PCDHA5: variants seen among roughly 807,000 people sequenced by gnomAD.
PCDHA5 encodes protocadherin alpha-5.
Under a neutral mutation model 61.6 loss-of-function variants are expected in PCDHA5, and 43 were observed. The observed-to-expected ratio is 0.70, with a 90% CI of 0.55 to 0.90. PCDHA5 has a LOEUF of 0.90. Ranked by LOEUF, PCDHA5 falls within the 40% of genes least tolerant of loss-of-function variation. PCDHA5 has a pLI of 0.00. For synonymous variants in PCDHA5, 627 were observed against 543.9 expected (o/e 1.15, Z -2.13); for missense variants, 1,298 against 1,222.7 (o/e 1.06, Z -0.92).
At chr5:140,946,277 AT>A (rs1554217463) in intron 1 of PCDHA5, among the ~76,000 whole-genome samples, 1 of 152,068 alleles carries the variant, frequency 6.6e-6, no homozygotes, top group Non-Finnish European at 1.5e-5. Flanking sequence ...TAAAACCCCA[AT>A]GAGATATCAC....
At chr5:140,951,741 C>A (rs1490111006) in intron 1 of PCDHA5, among the ~76,000 whole-genome samples, 3 of 152,062 alleles carry the variant, frequency 2.0e-5, no homozygotes, top group Non-Finnish European at 4.4e-5. Flanking sequence ...CTGCCACTGC[C>A]CTCACCCTCC....
chr5:140,850,107 C>A lies in PCDHA5; in HGVS notation c.2352+25980C>A, dbSNP rs2150467518. ...GCTGCTACAGTTCCAGGTGAGCGCG[C>A]GCGACGCGGGCGTGCCGCCTCTGGG... On this transcript the variant is annotated intron_variant, in intron 1 of 3. Coordinates refer to ENST00000529859, the MANE Select transcript of PCDHA5 (RefSeq NM_018908.3). 6.9e-6 allele frequency: 11 copies of A among 1,596,052 alleles called. 2 individuals carry two copies. In the Admixed American group the frequency reaches 1.0e-4, roughly 15 times the overall value.
At chr5:140,835,644 T>C (rs1554135160) in intron 1 of PCDHA5, 6 of 1,613,948 alleles carry the variant, frequency 3.7e-6, no homozygotes, top group Non-Finnish European at 4.2e-6. Flanking sequence ...TGTGTCCGCC[T>C]ATGAGCTGGT....
intron 1 of PCDHA5, among the ~76,000 whole-genome samples, chr5:140,941,259 T>TTCTTTC (rs1554214225): frequency 1.2e-3 from 146 of 121,812 alleles, no homozygotes; most frequent in African/African-American, 3.7e-3. Flanking sequence ...TTCTTTCTCT[T>TTCTTTC]TCTTTCTTTC....
rs2150356626 is a variant in PCDHA5 at position 140,843,293 on chromosome 5, G to A, written c.2352+19166G>A. ...CCTGGTGAAGGATCATGGTGAACCT[G>A]CGCTGACCGCCACGGCCACGGTTCT... is the stretch of plus-strand genomic sequence containing the variant. On this transcript the variant is annotated intron_variant, in intron 1 of 3. Coordinates refer to ENST00000529859, the MANE Select transcript of PCDHA5 (RefSeq NM_018908.3). The A allele has an allele frequency of 3.8e-6, 6 of 1,595,972 alleles. No homozygotes were observed. In the African/African-American group the frequency reaches 4.0e-5, roughly 11 times the overall value.
chr5:140,884,048 G>A (rs2059957630), intron 1 of PCDHA5: 1 of 1,613,500 alleles, frequency 6.2e-7, no homozygotes, highest in African/African-American at 1.3e-5. Flanking sequence ...GGTGGCGAAG[G>A]TGCGCGCGGT....
intron 1 of PCDHA5, among the ~76,000 whole-genome samples, chr5:140,933,324 G>A (rs563163291): frequency 5.3e-5 from 8 of 151,904 alleles, no homozygotes; most frequent in Non-Finnish European, 1.2e-4. Context: ...GTATTCTCCT[G>A]TGCTGTAGAG....
intron 1 of PCDHA5, chr5:140,883,872 T>A (rs1554180376): frequency 1.2e-6 from 2 of 1,612,996 alleles, no homozygotes; most frequent in African/African-American, 1.3e-5. Flanking sequence ...CAGTTCCAGG[T>A]GAGCGCGCGC....
intron 1 of PCDHA5, among the ~76,000 whole-genome samples, chr5:140,915,626 G>GTCTCTCTCTCTCTCTC (rs57920489): frequency 1.4e-5 from 2 of 146,436 alleles, no homozygotes; most frequent in African/African-American, 2.5e-5. Context: ...GTCTCTTTCT[G>GTCTCTCTCTCTCTCTC]TCTCTCTCTC....
intron 1 of PCDHA5, chr5:140,927,200 A>C (rs2083965383): frequency 6.2e-7 from 1 of 1,613,898 alleles, no homozygotes; most frequent in Non-Finnish European, 8.5e-7. Context: ...GTGCTCGAGG[A>C]CCCGCTGGAG....
At position 140,823,162 on chromosome 5, in the gene PCDHA5, G is replaced by C. The variant is rs2150122942; in HGVS notation, c.1387G>C (p.Val463Leu). 16 of 1,613,820 alleles carry C rather than the reference G, an allele frequency of 9.9e-6. 1 individual carries two copies. Among genetic ancestry groups the C allele is most frequent in the South Asian group, 2.2e-5 (2 of 91,082 alleles). ...AFAQPQYTVF[V>L]KENNPPGCHI... ...CGCGCAGCCCCAGTATACCGTGTTCGTGAAGGAGAACAACCCGCCAGGCTG... is the reference window on the plus strand; with the variant it reads ...CGCGCAGCCCCAGTATACCGTGTTCCTGAAGGAGAACAACCCGCCAGGCTG... Residue 463 changes from valine to leucine, a missense_variant, in exon 1 of 4, where the codon GTG becomes CTG. Val to Leu is a conservative substitution (Grantham distance 32). Transcript: ENST00000529859.
chr5:140,908,050 G>A (rs1554193217), intron 1 of PCDHA5, among the ~76,000 whole-genome samples: 1 of 152,120 alleles, frequency 6.6e-6, no homozygotes, highest in African/African-American at 2.4e-5. Context: ...TGCACATCCG[G>A]CCATTTCTCC....
At chr5:140,931,519 A>G (rs578009368) in intron 1 of PCDHA5, among the ~76,000 whole-genome samples, 6 of 152,054 alleles carry the variant, frequency 3.9e-5, no homozygotes, top group Non-Finnish European at 8.8e-5. Flanking sequence ...TGAATGATTA[A>G]CAAAATAATA....
intron 3 of PCDHA5, among the ~76,000 whole-genome samples, chr5:141,000,999 A>G (rs1315543518): frequency 6.6e-6 from 1 of 152,234 alleles, no homozygotes; most frequent in Non-Finnish European, 1.5e-5. Context: ...TATGCTTTAA[A>G]TATGTATTTA....
chr5:140,876,674 A>T (rs782568001), intron 1 of PCDHA5: 38 of 1,614,024 alleles, frequency 2.4e-5, no homozygotes, highest in Non-Finnish European at 3.1e-5. Flanking sequence ...GTGTCCACCT[A>T]CAAGAATTAC....
At chr5:140,882,868 G>T in intron 1 of PCDHA5, 1 of 1,614,184 alleles carries the variant, frequency 6.2e-7, no homozygotes, top group Non-Finnish European at 8.5e-7. Context: ...GGAAAACACT[G>T]GACAGAGAGG....
chr5:140,834,229 T>C, intron 1 of PCDHA5: 1 of 716,748 alleles, frequency 1.4e-6, no homozygotes, highest in South Asian at 2.1e-5. Flanking sequence ...CAAAAGGAAG[T>C]CATTCCTTTT....
At chr5:140,867,473 G>A (rs2049977371) in intron 1 of PCDHA5, 1 of 151,968 alleles carries the variant, frequency 6.6e-6, no homozygotes, top group Non-Finnish European at 1.5e-5. Flanking sequence ...ACAACATTGG[G>A]AAAAGAGTAA....
Position 140,823,723 on chromosome 5 carries a change from G to A in PCDHA5, c.1948G>A (p.Val650Met), listed in dbSNP as rs140011920. 3 of 1,613,814 alleles carry A rather than the reference G, an allele frequency of 1.9e-6. No individual in the cohort carries two copies. In the African/African-American group the frequency reaches 4.0e-5, roughly 22 times the overall value. ...EAPRHRLLVL[V>M]KDHGEPPLTA... ...ACCGCGCCACCGCCTTCTGGTGCTG[G>A]TGAAGGACCATGGAGAGCCCCCGCT... Residue 650 changes from valine (V) to methionine (M), a missense_variant, in exon 1 of 4, where the codon GTG (valine) becomes ATG (methionine). Val to Met is a conservative substitution (Grantham distance 21, BLOSUM62 1). Coordinates refer to ENST00000529859, the MANE Select transcript of PCDHA5 (RefSeq NM_018908.3).
Sources: gnomAD v4.1 joint callset for allele counts (sites outside exome capture counted in the v4.1 genomes callset) on GRCh38, gnomAD v4.1.1 for gene constraint, MANE v1.5 for transcripts, NCBI Gene and HGNC (gene_info 2026-07-23, HGNC 2026-07-21) for gene names.